STAT5A: variants seen among roughly 807,000 people sequenced by gnomAD.
The protein encoded by STAT5A is epididymis secretory sperm binding protein.
Under a neutral mutation model 100.2 loss-of-function variants are expected in STAT5A, and 26 were observed. The observed-to-expected ratio is 0.26, with a 90% CI of 0.19 to 0.36. STAT5A has a LOEUF of 0.36. Among genes scored for constraint, STAT5A ranks in the 10% least tolerant of loss-of-function variants. The probability of loss-of-function intolerance (pLI) is 1.00; values close to 1 mark genes in which losing one functional copy is unlikely to be tolerated. For missense variants in STAT5A, 634 were observed against 1,027.5 expected, an observed-to-expected ratio of 0.62 and a Z score of 5.24; for synonymous variants, 330 against 424.3, an observed-to-expected ratio of 0.78 and a Z score of 2.73.
rs8080244 is a variant in STAT5A, at chr17:42,296,766, T to C, written c.550+973T>C. Among the ~76,000 whole-genome samples, 572 of 152,300 alleles carry C rather than the reference T, an allele frequency of 3.8e-3. 8 individuals are homozygous for C. Among genetic ancestry groups the C allele is most frequent in the African/African-American group, 0.011 (463 of 41,566 alleles). On this transcript the variant is annotated intron_variant, in intron 5 of 18. Transcript: ENST00000590949. Reference sequence around the variant, plus strand: ...AATTCTTGTGCCTCAGTCTCCCGCATAGCTGGGACTACAGGTGCAGGCCAC... The same window carrying C: ...AATTCTTGTGCCTCAGTCTCCCGCACAGCTGGGACTACAGGTGCAGGCCAC...
chr17:42,307,590 C>T lies in STAT5A; in HGVS notation c.1776-3C>T. On this transcript the variant is annotated splice_polypyrimidine_tract_variant and splice_region_variant and intron_variant, in intron 14 of 18. Coordinates refer to ENST00000590949, the MANE Select transcript of STAT5A (RefSeq NM_001288718.2). ...GGTGACGCTCAATGCTCCGTGCACC[C>T]AGGGCCATCCTAGGTTTTGTGAATA... The T allele has an allele frequency of 6.2e-7, 1 of 1,614,080 alleles. No individual in the cohort carries two copies. The highest frequency in any genetic ancestry group is 8.5e-7 in the Non-Finnish European group (1 of 1,179,986).
chr17:42,307,552 GCTGTGGCC>G, intron 14 of STAT5A, 33 bp from the exon 15 acceptor site: 1 of 1,614,106 alleles, frequency 6.2e-7, no homozygotes, highest in Non-Finnish European at 8.5e-7. Context: ...AGAGACTGTG[GCTGTGGCC>G]CAGTGGTGAC....
intron 4 of STAT5A, among the ~76,000 whole-genome samples, chr17:42,293,285 A>G (rs968008810): frequency 6.6e-6 from 1 of 151,780 alleles, no homozygotes; most frequent in Non-Finnish European, 1.5e-5. Flanking sequence ...GCTCACTGCA[A>G]CCTCCACCCC....
In STAT5A at chr17:42,310,685, G is replaced by C. The variant is rs538898150; in HGVS notation, c.*16G>C. 1.3e-5 allele frequency: 21 copies of C among 1,613,712 alleles called. No individual in the cohort carries two copies. The Admixed American group carries it at 3.0e-4, about 23-fold the overall frequency. On this transcript the variant is annotated 3_prime_UTR_variant, in exon 19 of 19. Transcript: ENST00000590949. ...CCTCTCATGAATGTTTGAATCCCAC[G>C]CTTCTCTTTGGAAACAATATGCAAT... is the stretch of plus-strand genomic sequence containing the variant.
rs2081079802 is a variant in STAT5A at position 42,311,389 on chromosome 17, CTA to C, written c.*722_*723del. 6.6e-6 allele frequency: 1 copy of C among 152,438 alleles called. No homozygotes were observed. The highest frequency in any genetic ancestry group is 2.4e-5 in the African/African-American group (1 of 41,418). 9.4% of individuals were successfully genotyped at this position (152,438 alleles called of 1,614,324 possible). A position where few individuals can be genotyped will look rare whatever the true frequency, so the allele number is the denominator to read the frequency against. ...GCTTGGCCTTGGGCTTCATTCAAGT[CTA>C]TGATGCTGTTGCCCACGTTTCCCGG... is the stretch of plus-strand genomic sequence containing the variant. On this transcript the variant is annotated 3_prime_UTR_variant, in exon 19 of 19. Transcript: ENST00000590949.
Position 42,301,458 on chromosome 17 carries a change from A to T in STAT5A, c.1169+4A>T. The T allele has an allele frequency of 6.2e-7, 1 of 1,614,040 alleles. No homozygotes were observed. Among genetic ancestry groups the T allele is most frequent in the South Asian group, 1.1e-5 (1 of 91,074 alleles). On this transcript the variant is annotated splice_donor_region_variant and intron_variant, in intron 9 of 18. Coordinates refer to ENST00000590949, the MANE Select transcript of STAT5A (RefSeq NM_001288718.2). Reference sequence around the variant, plus strand: ...TTAAAAATGAGAACACCCGCAAGTAATTGTGCCTCTCCCTTCCCCTGCCCA... The same window carrying T: ...TTAAAAATGAGAACACCCGCAAGTATTTGTGCCTCTCCCTTCCCCTGCCCA...
chr17:42,309,562 G>A, intron 18 of STAT5A, 78 bp downstream of exon 18: 1 of 1,468,000 alleles, frequency 6.8e-7, no homozygotes, highest in Non-Finnish European at 9.3e-7. Flanking sequence ...AGGGCTGGCG[G>A]GCAAAGGATC....
At position 42,308,106 on chromosome 17, in the gene STAT5A, T is replaced by G; in HGVS notation, c.1907-72T>G. On this transcript the variant is annotated intron_variant, in intron 15 of 18. Transcript: ENST00000590949. The surrounding 1 kb of genome is among the most constrained non-coding windows in gnomAD (Gnocchi z 4.6). ...AAAGCCCAGATTTCTCTTGCAAGCCTGCCCTAAAGCCCCACAACCTTGGTC... is the reference window on the plus strand; with the variant it reads ...AAAGCCCAGATTTCTCTTGCAAGCCGGCCCTAAAGCCCCACAACCTTGGTC... The G allele has an allele frequency of 1.3e-6, 2 of 1,575,444 alleles. No individual in the cohort carries two copies. Among genetic ancestry groups the G allele is most frequent in the Non-Finnish European group, 1.7e-6 (2 of 1,157,768 alleles).
At chr17:42,297,710 C>T (rs4029776) in intron 5 of STAT5A, among the ~76,000 whole-genome samples, 334 of 152,046 alleles carry the variant, frequency 2.2e-3, no homozygotes, top group African/African-American at 6.0e-3. Context: ...GCAGGATACC[C>T]GAGGTAGCCG....
At chr17:42,310,388 A>C in intron 18 of STAT5A, 119 bp from the exon 19 acceptor site, 1 of 1,166,630 alleles carries the variant, frequency 8.6e-7, no homozygotes, top group Non-Finnish European at 1.2e-6. Flanking sequence ...GCATCCAGCC[A>C]GAACTGGTCC....
intron 17 of STAT5A, 35 bp downstream of exon 17, chr17:42,309,133 C>A (rs767840743): frequency 6.2e-7 from 1 of 1,613,022 alleles, no homozygotes; most frequent in South Asian, 1.1e-5. Flanking sequence ...CTCCTTCTGC[C>A]TCTTTCCTCC....
At position 42,289,499 on chromosome 17, in the gene STAT5A, G is replaced by A. The variant is rs1394549901; in HGVS notation, c.88G>A (p.Val30Ile). 6.2e-7 allele frequency: 1 copy of A among 1,613,342 alleles called. No homozygotes were observed. The highest frequency in any genetic ancestry group is 1.1e-5 in the South Asian group (1 of 91,084). The change falls in exon 2 of 19, where the codon GTC becomes ATC. Residue 30 changes from valine to isoleucine, a missense_variant. Val to Ile is a conservative substitution (Grantham distance 29). This residue lies in a region of STAT5A where 207 missense variants were observed against 256.6 expected (regional missense o/e 0.81). Transcript: ENST00000590949. ...VLYGQHFPIE[V>I]RHYLAQWIES... ...GTACGGCCAGCACTTCCCCATCGAG[G>A]TCCGGCACTACTTGGCCCAGTGGAT... is the stretch of plus-strand genomic sequence containing the variant.
intron 12 of STAT5A, 89 bp downstream of exon 12, chr17:42,305,791 G>A (rs950933651): frequency 1.4e-6 from 2 of 1,390,506 alleles, no homozygotes; most frequent in African/African-American, 2.8e-5. Flanking sequence ...CTGCTGAGTG[G>A]TCCTTCCTCA....
intron 5 of STAT5A, among the ~76,000 whole-genome samples, chr17:42,298,664 G>A (rs2080944269): frequency 6.6e-6 from 1 of 151,128 alleles, no homozygotes; most frequent in Non-Finnish European, 1.5e-5. Flanking sequence ...GTAGAGATGG[G>A]GTTTCACTGT....
At chr17:42,291,632 C>T (rs1003837194) in intron 3 of STAT5A, among the ~76,000 whole-genome samples, 7 of 151,878 alleles carry the variant, frequency 4.6e-5, no homozygotes, top group Non-Finnish European at 2.9e-5. Flanking sequence ...AGGAGAATCG[C>T]TTGAACCCGG....
intron 1 of STAT5A, 183 bp from the exon 2 acceptor site, chr17:42,289,219 T>G: frequency 3.6e-6 from 2 of 561,388 alleles, no homozygotes; most frequent in South Asian, 3.4e-5. Flanking sequence ...GGTTCCTTGT[T>G]GGAGGGGATG....
chr17:42,304,153 T>G lies in STAT5A; in HGVS notation c.1170-189T>G, dbSNP rs2081006329. 1.7e-6 allele frequency: 1 copy of G among 600,220 alleles called. No homozygotes were observed. The highest frequency in any genetic ancestry group is 3.0e-6 in the Non-Finnish European group (1 of 338,486). The allele number at this position is 600,220 out of a possible 1,614,324, so 37.2% of individuals were successfully genotyped here. On this transcript the variant is annotated intron_variant, in intron 9 of 18. Transcript: ENST00000590949. This position sits in a 1 kb window ranked among gnomAD's most constrained non-coding sequence, Gnocchi z 4.8. ...GACCTCACCACTGGAGACCTTGCCT[T>G]GGGTGCTGGGCACCAGGTTGATGGA...
chr17:42,296,601 G>A (rs971440504), intron 5 of STAT5A, among the ~76,000 whole-genome samples: 4 of 151,978 alleles, frequency 2.6e-5, no homozygotes, highest in African/African-American at 9.7e-5. Flanking sequence ...TAGACCTTAG[G>A]TCATTGATTT....
intron 3 of STAT5A, 192 bp downstream of exon 3, chr17:42,290,214 C>A: frequency 2.5e-6 from 2 of 801,042 alleles, no homozygotes; most frequent in Non-Finnish European, 3.6e-6. Context: ...TATTGCAAAG[C>A]AAGGGTGGGA....
Sources: allele counts gnomAD v4.1 joint callset (sites outside exome capture counted in the v4.1 genomes callset), GRCh38; gene constraint gnomAD v4.1.1; regional missense constraint gnomAD v4.1.1; non-coding constraint Gnocchi (gnomAD v3.1); transcripts MANE v1.5; gene names NCBI Gene and HGNC (gene_info 2026-07-23, HGNC 2026-07-21).